Variants in TCN1 observed in about 807,000 individuals in gnomAD.
TCN1 encodes the protein transcobalamin 1.
Under a neutral mutation model 46.3 loss-of-function variants are expected in TCN1, and 47 were observed. That is an observed-to-expected ratio of 1.01 (90% confidence interval 0.80 to 1.29). The LOEUF (loss-of-function observed/expected upper bound fraction) is 1.29, where lower values mean the gene tolerates loss of function less well. TCN1 is among the 50% of genes most tolerant of loss of function. The probability of loss-of-function intolerance (pLI) is 0.00; values close to 1 mark genes in which losing one functional copy is unlikely to be tolerated. For synonymous variants in TCN1, 183 were observed against 192.5 expected (o/e 0.95, Z 0.41); for missense variants, 532 against 511.0 (o/e 1.04, Z -0.40).
chr11:59,858,987 A>G (rs1590866118), intron 5 of TCN1, 90 bp downstream of exon 5: 2 of 1,443,676 alleles, frequency 1.4e-6, no homozygotes, highest in African/African-American at 2.8e-5. Flanking sequence ...CTGGGCAACA[A>G]GAGCGAAGCT....
In TCN1 at chr11:59,855,860, T is replaced by C; in HGVS notation, c.937+9A>G. 1 of 1,613,774 alleles carries C rather than the reference T, an allele frequency of 6.2e-7. No individual in the cohort carries two copies. The highest frequency in any genetic ancestry group is 1.7e-4 in the Middle Eastern group (1 of 6,054). On this transcript the variant is annotated intron_variant, in intron 6 of 8. Transcript: ENST00000257264. ...AAGCGAAACAGTGTGCTCTCTTTAATGCTTATACCTGAAGCAGAGACGCAA... is the reference window on the plus strand; with the variant it reads ...AAGCGAAACAGTGTGCTCTCTTTAACGCTTATACCTGAAGCAGAGACGCAA...
In TCN1 at chr11:59,859,280, A is replaced by G. The variant is rs1340767586; in HGVS notation, c.557-13T>C. The G allele has an allele frequency of 6.2e-7, 1 of 1,612,544 alleles. No homozygotes were observed. Among genetic ancestry groups the G allele is most frequent in the Non-Finnish European group, 8.5e-7 (1 of 1,180,024 alleles). ...ATTGCACCAGTATCTGTCAGGAAAC[A>G]AAACATTGTTGATAGGCGACCAACC... On this transcript the variant is annotated splice_polypyrimidine_tract_variant and intron_variant, in intron 4 of 8. Transcript: ENST00000257264.
In TCN1 at chr11:59,855,872, A is replaced by G; in HGVS notation, c.934T>C (p.Ser312Pro). Reference sequence around the variant, plus strand: ...GTGCTCTCTTTAATGCTTATACCTGAAGCAGAGACGCAAGAAGAGTCTTTG... The same window carrying G: ...GTGCTCTCTTTAATGCTTATACCTGGAGCAGAGACGCAAGAAGAGTCTTTG... ...INKDSSCVSA[S>P]GNFNISADEP... The change falls in exon 6 of 9, where the codon TCA (serine) becomes CCA (proline). Residue 312 changes from serine (S) to proline (P), a missense_variant. Physicochemically the swap from Ser to Pro is moderately conservative, Grantham distance 74 (BLOSUM62 -1). Transcript: ENST00000257264. 6.2e-7 allele frequency: 1 copy of G among 1,613,794 alleles called. No individual in the cohort carries two copies. The highest frequency in any genetic ancestry group is 8.5e-7 in the Non-Finnish European group (1 of 1,179,744).
chr11:59,863,934 G>A lies in TCN1; in HGVS notation c.232C>T (p.Gln78Ter). ...IQTLMQKMIQ[Q>*]IKYNVKSRLS... is the part of the protein sequence containing the mutation. ...CTGCTTTTCACATTGTATTTGATTT[G>A]TTGGATCATCTTTTGCATCAGGGTT... is the stretch of plus-strand genomic sequence containing the variant. The change falls in exon 2 of 9, where the codon CAA becomes TAA. Residue 78 changes from glutamine to a stop codon, truncating the protein, a stop_gained. Transcript: ENST00000257264. LOFTEE classifies it high-confidence loss of function. 6.2e-7 allele frequency: 1 copy of A among 1,613,794 alleles called. No individual in the cohort carries two copies. The highest frequency in any genetic ancestry group is 8.5e-7 in the Non-Finnish European group (1 of 1,179,776).
intron 4 of TCN1, among the ~76,000 whole-genome samples, chr11:59,860,994 TA>T (rs1371297902): frequency 1.3e-5 from 2 of 152,226 alleles, no homozygotes; most frequent in African/African-American, 2.4e-5. Flanking sequence ...TCTTTATGGA[TA>T]TTAAGGCTGA....
chr11:59,864,022 A>G lies in TCN1; in HGVS notation c.144T>C (p.Tyr48=), dbSNP rs1454838055. ...PLLNTMIQSN[Y]NRGTSAVNVV... is the part of the protein sequence containing the mutation. Reference sequence around the variant, plus strand: ...CATTGACAGCGCTGGTTCCCCTGTTATAGTTTGACTGGATCATTGTATTCA... The same window carrying G: ...CATTGACAGCGCTGGTTCCCCTGTTGTAGTTTGACTGGATCATTGTATTCA... Residue 48 remains tyrosine (Y), a synonymous_variant, in exon 2 of 9, where the codon TAT becomes TAC. Coordinates refer to ENST00000257264, the MANE Select transcript of TCN1 (RefSeq NM_001062.4). 1.9e-6 allele frequency: 3 copies of G among 1,613,844 alleles called. No homozygotes were observed. The highest frequency in any genetic ancestry group is 2.7e-5 in the African/African-American group (2 of 74,912).
chr11:59,860,030 A>G (rs1852999548), intron 4 of TCN1, among the ~76,000 whole-genome samples: 2 of 152,244 alleles, frequency 1.3e-5, no homozygotes, highest in South Asian at 2.1e-4. Flanking sequence ...CATAGCAGGT[A>G]AAAAGCCAGG....
Position 59,855,870 on chromosome 11 carries a change from T to A in TCN1, c.936A>T (p.Ser312=). The part of the protein sequence containing the change: ...INKDSSCVSA[S]GNFNISADEP... ...GTGTGCTCTCTTTAATGCTTATACCTGAAGCAGAGACGCAAGAAGAGTCTT... is the reference window on the plus strand; with the variant it reads ...GTGTGCTCTCTTTAATGCTTATACCAGAAGCAGAGACGCAAGAAGAGTCTT... The change falls in exon 6 of 9, where the codon TCA becomes TCT. Residue 312 remains serine, a splice_region_variant and synonymous_variant. Transcript: ENST00000257264. The A allele has an allele frequency of 6.2e-7, 1 of 1,613,800 alleles. No individual in the cohort carries two copies. The highest frequency in any genetic ancestry group is 8.5e-7 in the Non-Finnish European group (1 of 1,179,716).
At chr11:59,856,085 G>GGGGGGGGT in intron 5 of TCN1, 27 bp from the exon 6 acceptor site, 2 of 585,328 alleles carry the variant, frequency 3.4e-6, no homozygotes, top group Non-Finnish European at 6.4e-6. Flanking sequence ...GGGTGGGGGG[G>GGGGGGGGT]TGATGAGAGA....
intron 4 of TCN1, among the ~76,000 whole-genome samples, chr11:59,860,318 G>A (rs1240198630): frequency 1.3e-5 from 2 of 151,968 alleles, no homozygotes; most frequent in Non-Finnish European, 2.9e-5. Flanking sequence ...TAGTAGAGAC[G>A]GGGTTTCACC....
At chr11:59,859,962 C>A (rs1288077073) in intron 4 of TCN1, among the ~76,000 whole-genome samples, 1 of 152,140 alleles carries the variant, frequency 6.6e-6, no homozygotes, top group East Asian at 1.9e-4. Context: ...CTTTGAGAAT[C>A]CAAACATCCT....
In TCN1 at chr11:59,864,037, C is replaced by G; in HGVS notation, c.129G>C (p.Met43Ile). Residue 43 changes from methionine (M) to isoleucine (I), a missense_variant, in exon 2 of 9, where the codon ATG becomes ATC. Coordinates refer to ENST00000257264, the MANE Select transcript of TCN1 (RefSeq NM_001062.4). ...YIRLKPLLNT[M>I]IQSNYNRGTS... ...TTCCCCTGTTATAGTTTGACTGGAT[C>G]ATTGTATTCAACAGAGGTTTTAGGC... The G allele has an allele frequency of 6.2e-7, 1 of 1,613,950 alleles. No individual in the cohort carries two copies. Among genetic ancestry groups the G allele is most frequent in the Non-Finnish European group, 8.5e-7 (1 of 1,179,828 alleles).
At position 59,861,629 on chromosome 11, in the gene TCN1, A is replaced by G. The variant is rs1199216011; in HGVS notation, c.454T>C (p.Leu152=). The part of the protein sequence containing the change: ...TNYYQLSLDV[L]ALCLFNGNYS... The stretch of plus-strand genomic sequence containing the variant: ...TTCCCATTGAACAGACACAAGGCCA[A>G]AACGTCCAGGCTGAGCTGGTAGTAG... Residue 152 remains leucine, a synonymous_variant, in exon 4 of 9, where the codon TTG becomes CTG. Coordinates refer to ENST00000257264, the MANE Select transcript of TCN1 (RefSeq NM_001062.4). 7 of 1,614,058 alleles carry G rather than the reference A, an allele frequency of 4.3e-6. No homozygotes were observed. Among genetic ancestry groups the G allele is most frequent in the African/African-American group, 4.0e-5 (3 of 74,940 alleles).
intron 3 of TCN1, among the ~76,000 whole-genome samples, chr11:59,862,319 A>C (rs1016459449): frequency 4.7e-5 from 7 of 150,310 alleles, no homozygotes; most frequent in African/African-American, 1.7e-4. Flanking sequence ...GTGTGTGTGC[A>C]TGTGTGTGTG....
At chr11:59,863,111 T>C (rs557851221) in intron 2 of TCN1, among the ~76,000 whole-genome samples, 1 of 152,068 alleles carries the variant, frequency 6.6e-6, no homozygotes, top group Non-Finnish European at 1.5e-5. Flanking sequence ...ACTATTAAAA[T>C]CTTGTGGGAC....
At position 59,864,054 on chromosome 11, in the gene TCN1, G is replaced by T. The variant is rs1853046279; in HGVS notation, c.112C>A (p.Pro38Thr). 2 of 1,613,894 alleles carry T rather than the reference G, an allele frequency of 1.2e-6. No homozygotes were observed. The highest frequency in any genetic ancestry group is 3.3e-5 in the Admixed American group (2 of 60,020). Reference sequence around the variant, plus strand: ...GACTGGATCATTGTATTCAACAGAGGTTTTAGGCGGATGTAGTTTTCTTCA... The same window carrying T: ...GACTGGATCATTGTATTCAACAGAGTTTTTAGGCGGATGTAGTTTTCTTCA... ...VSEENYIRLK[P>T]LLNTMIQSNY... The change falls in exon 2 of 9, where the codon CCT (proline) becomes ACT (threonine). Residue 38 changes from proline (P) to threonine (T), a missense_variant. Coordinates refer to ENST00000257264, the MANE Select transcript of TCN1 (RefSeq NM_001062.4).
rs757205197 is a variant in TCN1, at chr11:59,861,701, A to G, written c.401-19T>C. On this transcript the variant is annotated intron_variant, in intron 3 of 8. Coordinates refer to ENST00000257264, the MANE Select transcript of TCN1 (RefSeq NM_001062.4). ...TGTGCTTCTAGAAAAGAGAAGAAATACCTCCCTTAATCATGGAAGTGGTAA... is the reference window on the plus strand; with the variant it reads ...TGTGCTTCTAGAAAAGAGAAGAAATGCCTCCCTTAATCATGGAAGTGGTAA... 21 of 1,612,734 alleles carry G rather than the reference A, an allele frequency of 1.3e-5. No homozygotes were observed. The Admixed American group carries it at 1.7e-4, about 13-fold the overall frequency.
In TCN1 at chr11:59,861,664, G is replaced by A. The variant is rs368461503; in HGVS notation, c.419C>T (p.Pro140Leu). 9.9e-6 allele frequency: 16 copies of A among 1,614,094 alleles called. No individual in the cohort carries two copies. The African/African-American group carries it at 1.7e-4, about 17-fold the overall frequency. The change falls in exon 4 of 9, where the codon CCC (proline) becomes CTC (leucine). Residue 140 changes from proline (P) to leucine (L), a missense_variant. Pro to Leu is a moderately conservative substitution (Grantham distance 98). Coordinates refer to ENST00000257264, the MANE Select transcript of TCN1 (RefSeq NM_001062.4). ...GCTGAGCTGGTAGTAGTTAGTCAGG[G>A]GAGTGCCATTGTGTGCTTCTAGAAA... ...IENMEAHNGTPLTNYYQLSLD... is the reference protein window; with the variant it reads ...IENMEAHNGTLLTNYYQLSLD...
At chr11:59,855,039 A>G (rs1381535557) in intron 6 of TCN1, among the ~76,000 whole-genome samples, 1 of 152,196 alleles carries the variant, frequency 6.6e-6, no homozygotes, top group East Asian at 1.9e-4. Context: ...CAGCTTGTGA[A>G]TGTTGGCACT....
Sources: allele counts gnomAD v4.1 joint callset (sites outside exome capture counted in the v4.1 genomes callset), GRCh38; gene constraint gnomAD v4.1.1; transcripts MANE v1.5; gene names NCBI Gene and HGNC (gene_info 2026-07-23, HGNC 2026-07-21).